TMEM37: variants seen among roughly 807,000 people sequenced by gnomAD.
TMEM37 encodes the protein transmembrane protein 37.
TMEM37 carries 12 observed loss-of-function variants against 11.0 expected under a neutral mutation model. The observed-to-expected ratio is 1.09, with a 90% CI of 0.70 to 1.76. The LOEUF is 1.76. Ranked by LOEUF, TMEM37 falls within the 40% of genes most tolerant of loss-of-function variation. The pLI, the probability that TMEM37 is intolerant of heterozygous loss-of-function variation, is 0.00. For missense variants in TMEM37, 203 were observed against 251.2 expected, an observed-to-expected ratio of 0.81 and a Z score of 1.30; for synonymous variants, 127 against 110.5, an observed-to-expected ratio of 1.15 and a Z score of -0.94.
chr2:119,437,213 G>A lies in TMEM37; in HGVS notation c.346G>A (p.Glu116Lys), dbSNP rs772115727. ...LEFLMVSQLC[E>K]DKHSQCKWVM... ...GTTCCTCATGGTGTCCCAGTTGTGC[G>A]AGGACAAACACTCACAGTGCAAGTG... Residue 116 changes from glutamate to lysine, a missense_variant, in exon 2 of 2, where the codon GAG becomes AAG. Transcript: ENST00000306406. 19 of 1,614,240 alleles carry A rather than the reference G, an allele frequency of 1.2e-5. No homozygotes were observed. The highest frequency in any genetic ancestry group is 3.3e-5 in the Admixed American group (2 of 60,026).
At chr2:119,432,566 A>T (rs1682424008) in intron 1 of TMEM37, among the ~76,000 whole-genome samples, 1 of 152,080 alleles carries the variant, frequency 6.6e-6, no homozygotes, top group African/African-American at 2.4e-5. Flanking sequence ...GAACCTACAC[A>T]TTCCTACCCG....
Position 119,437,445 on chromosome 2 carries a change from G to A in TMEM37, c.*5G>A, listed in dbSNP as rs1355114264. 2 of 1,608,268 alleles carry A rather than the reference G, an allele frequency of 1.2e-6. No homozygotes were observed. Among genetic ancestry groups the A allele is most frequent in the Non-Finnish European group, 1.7e-6 (2 of 1,176,652 alleles). ...ATCACCCATCCCTGGGAATGACCGT[G>A]GAAATTTTAGGCCCCCTCCAGGGAC... is the stretch of plus-strand genomic sequence containing the variant. On this transcript the variant is annotated 3_prime_UTR_variant, in exon 2 of 2. Transcript: ENST00000306406.
At chr2:119,431,791 C>A, upstream of TMEM37, 1 of 905,446 alleles carries the variant, frequency 1.1e-6, no homozygotes, top group Non-Finnish European at 1.4e-6. Context: ...CCCTCCCGCC[C>A]CGCCCGCCTC....
Position 119,436,758 on chromosome 2 carries a change from C to T in TMEM37, c.22-131C>T, listed in dbSNP as rs1270844690. 9.2e-6 allele frequency: 7 copies of T among 760,106 alleles called. No homozygotes were observed. The East Asian group carries it at 1.0e-4, about 11-fold the overall frequency. The allele number at this position is 760,106 out of a possible 1,614,324, so 47.1% of individuals were successfully genotyped here. A position where few individuals can be genotyped will look rare whatever the true frequency, so the allele number is the denominator to read the frequency against. On this transcript the variant is annotated intron_variant, in intron 1 of 1. Transcript: ENST00000306406. ...AACGGTGGGTCTGGTCTGTTCCGGGCTTCACAGGAGACCAAGCAGAGAATA... is the reference window on the plus strand; with the variant it reads ...AACGGTGGGTCTGGTCTGTTCCGGGTTTCACAGGAGACCAAGCAGAGAATA...
rs746818959 is a variant in TMEM37, at chr2:119,437,056, C to G, written c.189C>G (p.Phe63Leu). The G allele has an allele frequency of 6.4e-7, 1 of 1,562,268 alleles. No individual in the cohort carries two copies. The highest frequency in any genetic ancestry group is 1.8e-5 in the African/African-American group (1 of 56,376). The change falls in exon 2 of 2, where the codon TTC becomes TTG. Residue 63 changes from phenylalanine to leucine, a missense_variant. Coordinates refer to ENST00000306406, the MANE Select transcript of TMEM37 (RefSeq NM_183240.3). ...ACCGCCTCTTCGGGCTCTGGCACTTCTGCACCACCACCAACCAGACGATCT... is the reference window on the plus strand; with the variant it reads ...ACCGCCTCTTCGGGCTCTGGCACTTGTGCACCACCACCAACCAGACGATCT... ...AEDRLFGLWHFCTTTNQTICF... is the reference protein window; with the variant it reads ...AEDRLFGLWHLCTTTNQTICF...
In TMEM37 at chr2:119,438,195, G is replaced by A. The variant is rs1682545935; in HGVS notation, c.*755G>A. ...CCTTCCGAGAAGAGTTCTTGAGCAA[G>A]CTCTCCCAGGAGGGCCCACCTGACT... is the stretch of plus-strand genomic sequence containing the variant. On this transcript the variant is annotated 3_prime_UTR_variant, in exon 2 of 2. Transcript: ENST00000306406. The A allele has an allele frequency of 6.6e-6, 1 of 152,214 alleles. No individual in the cohort carries two copies. Among genetic ancestry groups the A allele is most frequent in the Non-Finnish European group, 1.5e-5 (1 of 68,060 alleles). The allele number at this position is 152,214 out of a possible 1,614,324, so 9.4% of individuals were successfully genotyped here. A position where few individuals can be genotyped will look rare whatever the true frequency, so the allele number is the denominator to read the frequency against.
chr2:119,431,860 G>A lies in TMEM37; in HGVS notation c.-44G>A, dbSNP rs574142353. 1.1e-4 allele frequency: 131 copies of A among 1,232,130 alleles called. 1 individual carries two copies. The Middle Eastern group carries it at 1.9e-3, about 18-fold the overall frequency. The allele number at this position is 1,232,130 out of a possible 1,614,324, so 76.3% of individuals were successfully genotyped here. On this transcript the variant is annotated 5_prime_UTR_variant, in exon 1 of 2. Coordinates refer to ENST00000306406, the MANE Select transcript of TMEM37 (RefSeq NM_183240.3). ...GGCTGGCGCCGGCGGCCACAGCGGA[G>A]CAGCTGGAGCGATCGAGGCTGCAGC...
intron 1 of TMEM37, among the ~76,000 whole-genome samples, chr2:119,435,218 C>T (rs1221521201): frequency 4.6e-5 from 7 of 152,216 alleles, no homozygotes; most frequent in African/African-American, 7.2e-5. Flanking sequence ...TTGAAATTAG[C>T]GGTAGCTCCT....
intron 1 of TMEM37, among the ~76,000 whole-genome samples, chr2:119,432,598 C>G (rs1682426184): frequency 6.6e-6 from 1 of 152,190 alleles, no homozygotes; most frequent in Non-Finnish European, 1.5e-5. Context: ...CTGCTGCTCC[C>G]CAAAGGGAAG....
intron 1 of TMEM37, among the ~76,000 whole-genome samples, chr2:119,436,176 T>C (rs1386536408): frequency 6.6e-6 from 1 of 152,198 alleles, no homozygotes; most frequent in Non-Finnish European, 1.5e-5. Context: ...GGGCGCCTCC[T>C]TCCAGGGCTG....
upstream of TMEM37, chr2:119,430,006 C>G (rs2104732731): frequency 6.5e-7 from 1 of 1,546,418 alleles, no homozygotes; most frequent in Admixed American, 2.0e-5. Context: ...GATCCAGAAT[C>G]TCACCTGGGA....
chr2:119,430,003 A>T (rs1403536596), upstream of TMEM37: 1 of 1,546,512 alleles, frequency 6.5e-7, no homozygotes, highest in African/African-American at 1.4e-5. Flanking sequence ...TATGATCCAG[A>T]ATCTCACCTG....
chr2:119,431,120 G>A (rs746543245), upstream of TMEM37, among the ~76,000 whole-genome samples: 2 of 151,828 alleles, frequency 1.3e-5, no homozygotes, highest in Non-Finnish European at 2.9e-5. Context: ...TTGCACTCCA[G>A]CCTGGGCCAC....
In TMEM37 at chr2:119,436,920, G is replaced by C. The variant is rs780577316; in HGVS notation, c.53G>C (p.Arg18Pro). Residue 18 changes from arginine (R) to proline (P), a missense_variant, in exon 2 of 2, where the codon CGC becomes CCC. Transcript: ENST00000306406. ...AQRPLGQRQP[R>P]RSFFESFIRT... ...AGGCCTTTGGGCCAAAGGCAGCCCC[G>C]CCGGTCCTTCTTTGAATCCTTCATC... 6.2e-7 allele frequency: 1 copy of C among 1,614,138 alleles called. No homozygotes were observed. Among genetic ancestry groups the C allele is most frequent in the Non-Finnish European group, 8.5e-7 (1 of 1,180,022 alleles).
At chr2:119,429,933 C>T (rs763638845), upstream of TMEM37, 31 of 1,550,380 alleles carry the variant, frequency 2.0e-5, no homozygotes, top group Middle Eastern at 1.7e-4. Flanking sequence ...GCAGATGACC[C>T]GACCTGACTG....
chr2:119,432,017 G>T, intron 1 of TMEM37, 93 bp downstream of exon 1: 1 of 895,558 alleles, frequency 1.1e-6, no homozygotes, highest in Non-Finnish European at 1.5e-6. Context: ...TACCCACCGC[G>T]AGCGCCGGCG....
chr2:119,437,476 A>T lies in TMEM37; in HGVS notation c.*36A>T, dbSNP rs1040257312. 14 of 1,580,626 alleles carry T rather than the reference A, an allele frequency of 8.9e-6. No individual in the cohort carries two copies. Among genetic ancestry groups the T allele is most frequent in the Non-Finnish European group, 1.1e-5 (13 of 1,163,726 alleles). The stretch of plus-strand genomic sequence containing the variant: ...TTTAGGCCCCCTCCAGGGACATCAG[A>T]TTCCACAAGAAAATATGGTCAAAAT... On this transcript the variant is annotated 3_prime_UTR_variant, in exon 2 of 2. Transcript: ENST00000306406.
chr2:119,435,487 C>T (rs912308150), intron 1 of TMEM37, among the ~76,000 whole-genome samples: 1 of 152,362 alleles, frequency 6.6e-6, no homozygotes, highest in African/African-American at 2.4e-5. Context: ...TCTAGACACA[C>T]TGCAAAGCAG....
At chr2:119,430,342 C>T (rs931480683), upstream of TMEM37, 1 of 509,610 alleles carries the variant, frequency 2.0e-6, no homozygotes, top group Non-Finnish European at 4.0e-6. Flanking sequence ...TTTTAACAAA[C>T]CTTCCAGGTG....
Sources: gnomAD v4.1 joint callset for allele counts (sites outside exome capture counted in the v4.1 genomes callset) on GRCh38, gnomAD v4.1.1 for gene constraint, MANE v1.5 for transcripts, NCBI Gene and HGNC (gene_info 2026-07-23, HGNC 2026-07-21) for gene names.